GEMIN5: variants seen among roughly 807,000 people sequenced by gnomAD.
The protein encoded by GEMIN5 is gem-associated protein 5.
A neutral mutation model predicts 176.9 loss-of-function variants in GEMIN5; 124 were observed. The observed-to-expected ratio is 0.70, with a 90% CI of 0.61 to 0.81. GEMIN5 has a LOEUF of 0.81. Among genes scored for constraint, GEMIN5 ranks in the 40% least tolerant of loss-of-function variants. The probability of loss-of-function intolerance (pLI) is 0.00; values close to 1 mark genes in which losing one functional copy is unlikely to be tolerated. For synonymous variants in GEMIN5, 673 were observed against 665.2 expected, an observed-to-expected ratio of 1.01 and a Z score of -0.18; for missense variants, 1,843 against 1,814.6, an observed-to-expected ratio of 1.02 and a Z score of -0.28.
rs928137834 is a variant in GEMIN5 at position 154,902,747 on chromosome 5, G to C, written c.2729-71C>G. ...TGTTACTGACTTGTAGGAAAAGAAA[G>C]GCAAGATAGAAGAGAAAGTGAGCTC... On this transcript the variant is annotated intron_variant, in intron 19 of 27. Transcript: ENST00000285873. 3.3e-6 allele frequency: 5 copies of C among 1,498,412 alleles called. No homozygotes were observed. The East Asian group carries it at 6.8e-5, about 20-fold the overall frequency. 92.8% of individuals were successfully genotyped at this position (1,498,412 alleles called of 1,614,324 possible).
chr5:154,924,141 A>C (rs1763980060), intron 9 of GEMIN5, among the ~76,000 whole-genome samples: 1 of 152,190 alleles, frequency 6.6e-6, no homozygotes, highest in East Asian at 1.9e-4. Flanking sequence ...TGTATTTTAC[A>C]CTTACAGCAC....
At chr5:154,906,639 C>A (rs1185565021) in intron 16 of GEMIN5, among the ~76,000 whole-genome samples, 1 of 152,152 alleles carries the variant, frequency 6.6e-6, no homozygotes, top group Non-Finnish European at 1.5e-5. Context: ...TCAAGCGGTT[C>A]TCCTGCCTCA....
At chr5:154,929,850 A>C (rs1016593574) in intron 5 of GEMIN5, among the ~76,000 whole-genome samples, 1 of 152,242 alleles carries the variant, frequency 6.6e-6, no homozygotes, top group Non-Finnish European at 1.5e-5. Context: ...ATTTGGGCAA[A>C]TATGATAAAA....
Position 154,911,873 on chromosome 5 carries a change from G to C in GEMIN5, c.2021C>G (p.Pro674Arg). The change falls in exon 15 of 28, where the codon CCC becomes CGC. Residue 674 changes from proline to arginine, a missense_variant. Physicochemically the swap from Pro to Arg is moderately radical, Grantham distance 103. Transcript: ENST00000285873. ...AQVWDALREE[P>R]LCNFRGHRGR... is the part of the protein sequence containing the mutation. ...TCGATGTCCTCGGAAATTGCACAGG[G>C]GCTCTTCCCGGAGAGCATCCCACAC... is the stretch of plus-strand genomic sequence containing the variant. 1 of 1,613,984 alleles carries C rather than the reference G, an allele frequency of 6.2e-7. No homozygotes were observed. The highest frequency in any genetic ancestry group is 8.5e-7 in the Non-Finnish European group (1 of 1,179,950).
At chr5:154,897,076 CTGGAAACTTTTTTTGATGG>C (rs1763366498) in intron 23 of GEMIN5, among the ~76,000 whole-genome samples, 1 of 152,178 alleles carries the variant, frequency 6.6e-6, no homozygotes. Context: ...AACAGTCATT[CTGGAAACTTTTTTTGATGG>C]TGGATAAATT....
chr5:154,898,212 T>C (rs1369092862), intron 23 of GEMIN5, among the ~76,000 whole-genome samples: 2 of 152,176 alleles, frequency 1.3e-5, no homozygotes, highest in Non-Finnish European at 2.9e-5. Context: ...ACAGGTGTTT[T>C]GTACAAACAG....
At chr5:154,896,913 C>G (rs1393700683) in intron 23 of GEMIN5, among the ~76,000 whole-genome samples, 1 of 152,206 alleles carries the variant, frequency 6.6e-6, no homozygotes, top group African/African-American at 2.4e-5. Context: ...CATGAGATTC[C>G]TTGTGTACTC....
At chr5:154,935,799 TAAAC>T (rs753659349) in intron 3 of GEMIN5, 38 bp downstream of exon 3, 18 of 1,436,416 alleles carry the variant, frequency 1.3e-5, no homozygotes, top group African/African-American at 1.4e-5. Flanking sequence ...AACACGATCA[TAAAC>T]AAACAAAAAT....
intron 20 of GEMIN5, among the ~76,000 whole-genome samples, 172 bp downstream of exon 20, chr5:154,902,367 T>C (rs530447942): frequency 2.6e-4 from 40 of 152,352 alleles, no homozygotes; most frequent in African/African-American, 8.7e-4. Flanking sequence ...GTGACCTGCT[T>C]TTTTTCAAAG....
Position 154,902,685 on chromosome 5 carries a change from A to G in GEMIN5, c.2729-9T>C. The G allele has an allele frequency of 6.2e-7, 1 of 1,613,344 alleles. No individual in the cohort carries two copies. The highest frequency in any genetic ancestry group is 8.5e-7 in the Non-Finnish European group (1 of 1,179,448). Reference sequence around the variant, plus strand: ...TTCTAAGTGACCTTTTCCTGTTTGAAAGAGAGATAATGTTTGGAAGGTGTT... The same window carrying G: ...TTCTAAGTGACCTTTTCCTGTTTGAGAGAGAGATAATGTTTGGAAGGTGTT... On this transcript the variant is annotated splice_polypyrimidine_tract_variant and intron_variant, in intron 19 of 27. Coordinates refer to ENST00000285873, the MANE Select transcript of GEMIN5 (RefSeq NM_015465.5).
chr5:154,892,716 C>CT, intron 24 of GEMIN5, 167 bp from the exon 25 acceptor site: 1 of 619,440 alleles, frequency 1.6e-6, no homozygotes, highest in South Asian at 2.1e-5. Context: ...ATCGGAAACT[C>CT]TCATGTCTAG....
intron 17 of GEMIN5, 93 bp downstream of exon 17, chr5:154,905,270 G>A: frequency 1.8e-6 from 1 of 569,022 alleles, no homozygotes; most frequent in Admixed American, 3.2e-5. Context: ...AAACAAACAA[G>A]AAACCACACT....
chr5:154,891,862 C>G, intron 25 of GEMIN5, 120 bp from the exon 26 acceptor site: 1 of 954,866 alleles, frequency 1.0e-6, no homozygotes, highest in Non-Finnish European at 1.6e-6. Context: ...AAAAGGACAA[C>G]AGTGTGATCC....
At chr5:154,893,769 A>G (rs1031298862) in intron 24 of GEMIN5, among the ~76,000 whole-genome samples, 6 of 152,008 alleles carry the variant, frequency 3.9e-5, no homozygotes, top group African/African-American at 1.4e-4. Flanking sequence ...TTTGAGATGG[A>G]GTCTTGCTCT....
intron 24 of GEMIN5, among the ~76,000 whole-genome samples, chr5:154,894,120 T>G (rs1763296684): frequency 6.6e-6 from 1 of 152,100 alleles, no homozygotes; most frequent in African/African-American, 2.4e-5. Context: ...AATTTTTGTA[T>G]TTTTACTAGA....
chr5:154,902,440 G>T, intron 20 of GEMIN5, 99 bp downstream of exon 20: 1 of 1,074,154 alleles, frequency 9.3e-7, no homozygotes, highest in Non-Finnish European at 1.4e-6. Context: ...ATTTGTAAGT[G>T]ATTTCAAGCT....
At chr5:154,936,915 C>G in intron 2 of GEMIN5, 110 bp downstream of exon 2, 1 of 780,000 alleles carries the variant, frequency 1.3e-6, no homozygotes, top group Admixed American at 2.6e-5. Flanking sequence ...AATTAATGAA[C>G]ACAATTACAA....
chr5:154,896,680 C>T (rs915129106), intron 23 of GEMIN5, among the ~76,000 whole-genome samples: 2 of 152,202 alleles, frequency 1.3e-5, no homozygotes, highest in Non-Finnish European at 2.9e-5. Flanking sequence ...AAAAGAAGGG[C>T]TGGGCTCATC....
intron 18 of GEMIN5, 101 bp from the exon 19 acceptor site, chr5:154,903,276 G>T: frequency 1.4e-6 from 1 of 734,828 alleles, no homozygotes; most frequent in East Asian, 2.6e-5. Context: ...ACCCACTTCA[G>T]ACACTGAGAG....
Sources: gnomAD v4.1 joint callset for allele counts (sites outside exome capture counted in the v4.1 genomes callset) on GRCh38, gnomAD v4.1.1 for gene constraint, MANE v1.5 for transcripts, NCBI Gene and HGNC (gene_info 2026-07-23, HGNC 2026-07-21) for gene names.